ZNF516: variants seen among roughly 807,000 people sequenced by gnomAD.
ZNF516 encodes zinc finger protein 516.
ZNF516 carries 19 observed loss-of-function variants against 79.7 expected under a neutral mutation model. The ratio of observed to expected loss-of-function variants is 0.24; its 90% CI spans 0.17 to 0.35. The LOEUF is 0.35. Among genes scored for constraint, ZNF516 ranks in the 10% least tolerant of loss-of-function variants. The pLI is 1.00. For synonymous variants in ZNF516, 877 were observed against 739.5 expected, an observed-to-expected ratio of 1.19 and a Z score of -3.02; for missense variants, 1,678 against 1,679.5, an observed-to-expected ratio of 1.00 and a Z score of 0.02.
At chr18:76,363,546 G>A (rs1456279140) in intron 6 of ZNF516, among the ~76,000 whole-genome samples, 4 of 152,244 alleles carry the variant, frequency 2.6e-5, no homozygotes, top group South Asian at 2.1e-4. Flanking sequence ...AATTTTACGA[G>A]GGGTTAGGGG....
chr18:76,491,534 A>C (rs1427111634), intron 1 of ZNF516: 5 of 119,670 alleles, frequency 4.2e-5, no homozygotes, highest in Admixed American at 1.6e-4. Context: ...CGTCCGCTCC[A>C]CATGACGGGG....
intron 2 of ZNF516, among the ~76,000 whole-genome samples, chr18:76,462,721 A>AC (rs989480356): frequency 1.3e-5 from 2 of 151,602 alleles, no homozygotes; most frequent in African/African-American, 2.4e-5. Context: ...AAAGGAATGG[A>AC]CCCCCCACCC....
At chr18:76,398,635 T>C (rs1444862810) in intron 3 of ZNF516, among the ~76,000 whole-genome samples, 1 of 151,112 alleles carries the variant, frequency 6.6e-6, no homozygotes, top group Non-Finnish European at 1.5e-5. Context: ...TCTGAAGGAA[T>C]GGGGGCCTGG....
chr18:76,412,396 C>T (rs2075382377), intron 3 of ZNF516, among the ~76,000 whole-genome samples: 1 of 152,186 alleles, frequency 6.6e-6, no homozygotes, highest in African/African-American at 2.4e-5. Flanking sequence ...CAAGGCTCTC[C>T]TCCCCTCCTG....
At chr18:76,437,781 A>G (rs1040786819) in intron 3 of ZNF516, among the ~76,000 whole-genome samples, 3 of 152,240 alleles carry the variant, frequency 2.0e-5, no homozygotes, top group Non-Finnish European at 4.4e-5. Context: ...AACAAAAAAA[A>G]GCCTGTATAT....
Position 76,442,611 on chromosome 18 carries a change from G to A in ZNF516, c.444C>T (p.Ser148=), listed in dbSNP as rs753405490. 6 of 1,596,940 alleles carry A rather than the reference G, an allele frequency of 3.8e-6. No homozygotes were observed. The highest frequency in any genetic ancestry group is 1.1e-5 in the South Asian group (1 of 90,718). ...RVLNGASQAD[S]GRVLLRSSKK... Reference sequence around the variant, plus strand: ...TGCTGCTCCGCAGCAGGACTCTGCCGCTGTCGGCCTGCGAGGCCCCGTTCA... The same window carrying A: ...TGCTGCTCCGCAGCAGGACTCTGCCACTGTCGGCCTGCGAGGCCCCGTTCA... Residue 148 remains serine, a synonymous_variant, in exon 3 of 7, where the codon AGC becomes AGT. Transcript: ENST00000443185.
chr18:76,449,903 CAATT>C (rs1912288485), intron 2 of ZNF516, among the ~76,000 whole-genome samples: 1 of 152,172 alleles, frequency 6.6e-6, no homozygotes. Flanking sequence ...TTATTTAACA[CAATT>C]AAAAAGTCTT....
chr18:76,425,203 G>A (rs371535539), intron 3 of ZNF516, among the ~76,000 whole-genome samples: 1 of 152,032 alleles, frequency 6.6e-6, no homozygotes, highest in East Asian at 1.9e-4. Context: ...GTGAGAGATC[G>A]CTTTGCAAGT....
intron 1 of ZNF516, among the ~76,000 whole-genome samples, chr18:76,479,939 A>C (rs774089394): frequency 6.6e-6 from 1 of 152,234 alleles, no homozygotes; most frequent in Non-Finnish European, 1.5e-5. Flanking sequence ...TTTTAAAGCA[A>C]TGTACCTTCC....
chr18:76,387,694 T>C (rs577195508), intron 3 of ZNF516: 3 of 152,376 alleles, frequency 2.0e-5, no homozygotes, highest in Non-Finnish European at 2.9e-5. Flanking sequence ...AGAACACGGC[T>C]GGCTTTAGTG....
At chr18:76,461,924 A>G (rs889403222) in intron 2 of ZNF516, among the ~76,000 whole-genome samples, 1 of 152,196 alleles carries the variant, frequency 6.6e-6, no homozygotes, top group Non-Finnish European at 1.5e-5. Flanking sequence ...CCAGCCCTGC[A>G]GGCGTGTGGT....
At chr18:76,469,871 A>G (rs1247743851) in intron 1 of ZNF516, among the ~76,000 whole-genome samples, 1 of 152,252 alleles carries the variant, frequency 6.6e-6, no homozygotes, top group East Asian at 1.9e-4. Context: ...TTTTATCACA[A>G]TAAAAAACAC....
intron 1 of ZNF516, chr18:76,487,838 C>T (rs529681502): frequency 1.4e-6 from 1 of 697,966 alleles, no homozygotes; most frequent in African/African-American, 1.9e-5. Flanking sequence ...CTCTATGGCC[C>T]CTAGATACAT....
intron 3 of ZNF516, among the ~76,000 whole-genome samples, chr18:76,382,665 C>T (rs1395090547): frequency 1.3e-5 from 2 of 152,222 alleles, no homozygotes; most frequent in East Asian, 3.8e-4. Context: ...AATCCCAGCA[C>T]TTTGGGAGGC....
intron 6 of ZNF516, among the ~76,000 whole-genome samples, chr18:76,368,220 T>C (rs762458209): frequency 6.6e-6 from 1 of 152,186 alleles, no homozygotes; most frequent in Non-Finnish European, 1.5e-5. Flanking sequence ...CCCTAGGATT[T>C]AAACCTCTAC....
intron 4 of ZNF516, chr18:76,372,911 G>A (rs2074730321): frequency 6.6e-6 from 1 of 152,304 alleles, no homozygotes; most frequent in Non-Finnish European, 1.5e-5. Context: ...CACTTTGAGA[G>A]GCCAAAGCGG....
chr18:76,482,461 C>T (rs1599159137), intron 1 of ZNF516, among the ~76,000 whole-genome samples: 1 of 152,234 alleles, frequency 6.6e-6, no homozygotes, highest in Admixed American at 6.5e-5. Context: ...GCAGCGGCAG[C>T]CCCGCGATCT....
In ZNF516 at chr18:76,459,873, A is replaced by G. The variant is rs551825907; in HGVS notation, c.-158+3155T>C. Among the ~76,000 whole-genome samples the G allele has an allele frequency of 1.3e-5, 2 of 152,304 alleles. No homozygotes were observed. Among genetic ancestry groups the G allele is most frequent in the South Asian group, 2.1e-4 (1 of 4,824 alleles). On this transcript the variant is annotated intron_variant, in intron 2 of 6. Transcript: ENST00000443185. The surrounding 1 kb of genome is among the most constrained non-coding windows in gnomAD (Gnocchi z 5.0). ...AGGCACAAGAAGGAACATACTGATG[A>G]TAAGGAAACGCCGGGTGGGGTCTTT...
In ZNF516 at chr18:76,428,308, G is replaced by A. The variant is rs573542300; in HGVS notation, c.1810+12937C>T. On this transcript the variant is annotated intron_variant, in intron 3 of 6. Transcript: ENST00000443185. ...ATTGGGAGGCTGAGGCAGGAGAATC[G>A]CTTGAACCTGACAGACAGAGGTTGC... Among the ~76,000 whole-genome samples, 12 of 151,038 alleles carry A rather than the reference G, an allele frequency of 7.9e-5. No individual in the cohort carries two copies. In the East Asian group the frequency reaches 1.8e-3, roughly 22 times the overall value.
Sources: gnomAD v4.1 joint callset for allele counts (sites outside exome capture counted in the v4.1 genomes callset) on GRCh38, gnomAD v4.1.1 for gene constraint, Gnocchi (gnomAD v3.1) non-coding constraint, MANE v1.5 for transcripts, NCBI Gene and HGNC (gene_info 2026-07-23, HGNC 2026-07-21) for gene names.